The following ADGRF3 variants were observed in gnomAD, a reference collection of about 807,000 sequenced individuals.
ADGRF3 encodes adhesion G protein-coupled receptor F3.
In ADGRF3, 85 loss-of-function variants were observed where a neutral mutation model predicts 93.2. The observed-to-expected ratio is 0.91, with a 90% CI of 0.77 to 1.09. ADGRF3 has a LOEUF of 1.09. Ranked by LOEUF, ADGRF3 falls within the 50% of genes least tolerant of loss-of-function variation. The probability of loss-of-function intolerance (pLI) is 0.00; values close to 1 mark genes in which losing one functional copy is unlikely to be tolerated. For synonymous variants in ADGRF3, 534 were observed against 532.5 expected, an observed-to-expected ratio of 1.00 and a Z score of -0.04; for missense variants, 1,125 against 1,246.2, an observed-to-expected ratio of 0.90 and a Z score of 1.46.
intron 8 of ADGRF3, 95 bp downstream of exon 8, chr2:26,313,282 G>A (rs1674352569): frequency 1.4e-6 from 2 of 1,431,350 alleles, no homozygotes; most frequent in Admixed American, 4.5e-5. Context: ...CAGCCTGTGG[G>A]CTGGGCCTTG....
At chr2:26,324,557 A>C (rs902135088) in intron 1 of ADGRF3, among the ~76,000 whole-genome samples, 7 of 152,180 alleles carry the variant, frequency 4.6e-5, no homozygotes, top group African/African-American at 1.7e-4. Flanking sequence ...CCCACTTATA[A>C]GTGAAAATAT....
chr2:26,339,659 CATGGTAT>C (rs1242727892), intron 1 of ADGRF3, among the ~76,000 whole-genome samples: 1 of 152,158 alleles, frequency 6.6e-6, no homozygotes. Flanking sequence ...CTCTGTTTCT[CATGGTAT>C]ATACTCCCTT....
intron 1 of ADGRF3, among the ~76,000 whole-genome samples, chr2:26,325,763 A>G (rs1675401439): frequency 6.6e-6 from 1 of 152,218 alleles, no homozygotes; most frequent in Non-Finnish European, 1.5e-5. Context: ...ATTTTAAGGC[A>G]TAATTCAGGG....
In ADGRF3 at chr2:26,313,357, C is replaced by A; in HGVS notation, c.1269+20G>T. ...GTGGGCCGTGGAGGGGGCACGTGGG[C>A]AGCAGGGTGGAAGCTTCACCTTGGT... On this transcript the variant is annotated intron_variant, in intron 8 of 13. Coordinates refer to ENST00000651242, the MANE Select transcript of ADGRF3 (RefSeq NM_001321971.2). The A allele has an allele frequency of 6.4e-7, 1 of 1,552,896 alleles. No homozygotes were observed. Among genetic ancestry groups the A allele is most frequent in the African/African-American group, 1.4e-5 (1 of 73,550 alleles).
intron 4 of ADGRF3, 133 bp downstream of exon 4, chr2:26,316,142 G>T: frequency 3.3e-6 from 3 of 914,228 alleles, no homozygotes; most frequent in Non-Finnish European, 4.9e-6. Flanking sequence ...ATGATGGCTG[G>T]CTTTTTCTCC....
At chr2:26,332,866 C>T (rs1234597559) in intron 1 of ADGRF3, among the ~76,000 whole-genome samples, 1 of 152,266 alleles carries the variant, frequency 6.6e-6, no homozygotes, top group African/African-American at 2.4e-5. Flanking sequence ...ATCCTCCCAC[C>T]TCAGCCTCCC....
chr2:26,336,315 A>AGAGTGTGTGTGTGT (rs1553333147), intron 1 of ADGRF3, among the ~76,000 whole-genome samples: 1 of 148,562 alleles, frequency 6.7e-6, no homozygotes, highest in African/African-American at 2.5e-5. Context: ...GGAGATCAAG[A>AGAGTGTGTGTGTGT]GTGTGTGTGT....
intron 1 of ADGRF3, among the ~76,000 whole-genome samples, chr2:26,329,084 GAC>G (rs775744449): frequency 6.6e-6 from 1 of 152,224 alleles, no homozygotes; most frequent in African/African-American, 2.4e-5. Context: ...GTAAAAGGGA[GAC>G]ACGAATGTGA....
In ADGRF3 at chr2:26,311,487, G is replaced by A; in HGVS notation, c.2037C>T (p.Cys679=). ...AGAAGGCAGTGAGGTGCTGGCAGAG[G>A]CACTGAGCAGTGGGGCTGGCACTGG... is the stretch of plus-strand genomic sequence containing the variant. ...QVASASPTAQ[C]LCQHLTAFSV... Residue 679 remains cysteine, a synonymous_variant, in exon 10 of 14, where the codon TGC becomes TGT. Coordinates refer to ENST00000651242, the MANE Select transcript of ADGRF3 (RefSeq NM_001321971.2). 1 of 1,613,922 alleles carries A rather than the reference G, an allele frequency of 6.2e-7. No homozygotes were observed. Among genetic ancestry groups the A allele is most frequent in the Non-Finnish European group, 8.5e-7 (1 of 1,179,774 alleles).
At chr2:26,335,274 T>C (rs981191144) in intron 1 of ADGRF3, among the ~76,000 whole-genome samples, 1 of 152,214 alleles carries the variant, frequency 6.6e-6, no homozygotes, top group Non-Finnish European at 1.5e-5. Flanking sequence ...ACATTTCCTA[T>C]AAATGGAACC....
At chr2:26,339,374 T>G (rs1312785955) in intron 1 of ADGRF3, among the ~76,000 whole-genome samples, 1 of 151,696 alleles carries the variant, frequency 6.6e-6, no homozygotes, top group African/African-American at 2.4e-5. Context: ...GGCGCATCTG[T>G]AATCCCAGCT....
At chr2:26,317,166 C>T in intron 2 of ADGRF3, 111 bp from the exon 3 acceptor site, 1 of 1,121,242 alleles carries the variant, frequency 8.9e-7, no homozygotes, top group Non-Finnish European at 1.3e-6. Context: ...AGCAGACCCC[C>T]TCCCACAGCC....
chr2:26,346,088 G>A, intron 1 of ADGRF3, 33 bp downstream of exon 1: 1 of 1,547,254 alleles, frequency 6.5e-7, no homozygotes, highest in Non-Finnish European at 8.7e-7. Context: ...AGGCGGCTAC[G>A]CGTGCGCGGT....
At chr2:26,321,969 C>CAAA (rs112854920) in intron 1 of ADGRF3, among the ~76,000 whole-genome samples, 2 of 55,336 alleles carry the variant, frequency 3.6e-5, no homozygotes, top group African/African-American at 6.6e-5. Flanking sequence ...TGAGACTCCT[C>CAAA]AAAAAAAAAA....
chr2:26,319,619 CTTT>C lies in ADGRF3; in HGVS notation c.115-2060_115-2058del, dbSNP rs1558391151. Among the ~76,000 whole-genome samples the C allele has an allele frequency of 3.8e-4, 22 of 58,616 alleles. 1 individual carries two copies. The highest frequency in any genetic ancestry group is 5.8e-4 in the Non-Finnish European group (17 of 29,396). The allele number at this position is 58,616 out of a possible 152,430, so 38.5% of individuals were successfully genotyped here. A position where few individuals can be genotyped will look rare whatever the true frequency, so the allele number is the denominator to read the frequency against. On this transcript the variant is annotated intron_variant, in intron 1 of 13. Coordinates refer to ENST00000651242, the MANE Select transcript of ADGRF3 (RefSeq NM_001321971.2). Reference sequence around the variant, plus strand: ...CCTTCCTTCCTTCCTTCCTTCCTTTCTTTCTTTGTTTCTTTCTTTCTCTTTCCT... The same window carrying C: ...CCTTCCTTCCTTCCTTCCTTCCTTTCCTTTGTTTCTTTCTTTCTCTTTCCT...
At chr2:26,336,882 G>T in intron 1 of ADGRF3, among the ~76,000 whole-genome samples, 1 of 152,126 alleles carries the variant, frequency 6.6e-6, no homozygotes, top group East Asian at 1.9e-4. Flanking sequence ...CCTGGCAGTA[G>T]CCATTTCAGT....
rs1453284169 is a variant in ADGRF3 at position 26,346,171 on chromosome 2, T to C, written c.64A>G (p.Lys22Glu). ...ATPGYKAVTH[K>E]HHTGWARMAK... ...ATCCTTGCCCAGCCGGTGTGGTGCT[T>C]GTGTGTCACAGCCTTGTAGCCGGGA... Residue 22 changes from lysine (K) to glutamate (E), a missense_variant, in exon 1 of 14, where the codon AAG (lysine) becomes GAG (glutamate). Physicochemically the swap from Lys to Glu is moderately conservative, Grantham distance 56 (BLOSUM62 1). Transcript: ENST00000651242. The C allele has an allele frequency of 6.2e-7, 1 of 1,612,052 alleles. No individual in the cohort carries two copies. The highest frequency in any genetic ancestry group is 1.3e-5 in the African/African-American group (1 of 74,998).
intron 1 of ADGRF3, among the ~76,000 whole-genome samples, chr2:26,335,913 T>C (rs1050150402): frequency 4.6e-5 from 7 of 152,220 alleles, no homozygotes; most frequent in Non-Finnish European, 1.0e-4. Context: ...TAGCACTTGT[T>C]GCTGCCAGTG....
intron 1 of ADGRF3, among the ~76,000 whole-genome samples, chr2:26,323,844 G>T (rs1279609390): frequency 6.6e-6 from 1 of 151,962 alleles, no homozygotes; most frequent in Non-Finnish European, 1.5e-5. Flanking sequence ...GGCCAGGCAG[G>T]TCTCAAACTC....
Sources: gnomAD v4.1 joint callset for allele counts (sites outside exome capture counted in the v4.1 genomes callset) on GRCh38, gnomAD v4.1.1 for gene constraint, MANE v1.5 for transcripts, NCBI Gene and HGNC (gene_info 2026-07-23, HGNC 2026-07-21) for gene names.